Variants in ZFHX3 observed in about 807,000 individuals in gnomAD.
ZFHX3 encodes the protein zinc finger homeobox protein 3.
A neutral mutation model predicts 279.1 loss-of-function variants in ZFHX3; 42 were observed. The observed-to-expected ratio is 0.15, with a 90% CI of 0.12 to 0.19. The LOEUF (loss-of-function observed/expected upper bound fraction) is 0.19, where lower values mean the gene tolerates loss of function less well. Ranked by LOEUF, ZFHX3 falls within the 10% of genes least tolerant of loss-of-function variation. The pLI is 1.00. For synonymous variants in ZFHX3, 2,293 were observed against 1,957.8 expected, an observed-to-expected ratio of 1.17 and a Z score of -4.52; for missense variants, 4,981 against 4,754.0, an observed-to-expected ratio of 1.05 and a Z score of -1.40.
chr16:72,853,699 A>G (rs1267367411), intron 4 of ZFHX3, among the ~76,000 whole-genome samples: 1 of 152,224 alleles, frequency 6.6e-6, no homozygotes, highest in African/African-American at 2.4e-5. Context: ...AAGAGAGGGC[A>G]GTAGAAGGAT....
At chr16:72,974,888 C>T (rs1211177118) in intron 1 of ZFHX3, among the ~76,000 whole-genome samples, 1 of 152,170 alleles carries the variant, frequency 6.6e-6, no homozygotes, top group African/African-American at 2.4e-5. Context: ...ATGCTATGCA[C>T]AGAGACCCCA....
intron 2 of ZFHX3, among the ~76,000 whole-genome samples, chr16:73,541,348 T>C (rs2020007772): frequency 6.6e-6 from 1 of 152,178 alleles, no homozygotes; most frequent in Admixed American, 6.5e-5. Flanking sequence ...TAGCCAGGCC[T>C]GTGGGTGCAC....
At chr16:72,888,167 C>T (rs1480682021) in intron 4 of ZFHX3, among the ~76,000 whole-genome samples, 3 of 152,158 alleles carry the variant, frequency 2.0e-5, no homozygotes, top group Non-Finnish European at 4.4e-5. Flanking sequence ...CCATGCTCTT[C>T]TCCATAAAGT....
At chr16:73,111,958 C>T (rs986552458) in intron 7 of ZFHX3, among the ~76,000 whole-genome samples, 1 of 152,020 alleles carries the variant, frequency 6.6e-6, no homozygotes, top group Admixed American at 6.5e-5. Flanking sequence ...GACTCCAAAG[C>T]CCACTGACCG....
At chr16:73,505,788 C>G (rs931979907) in intron 2 of ZFHX3, among the ~76,000 whole-genome samples, 16 of 152,234 alleles carry the variant, frequency 1.1e-4, no homozygotes, top group African/African-American at 3.9e-4. Context: ...AGTGCTGTCA[C>G]TGTTCCCAGG....
At chr16:73,293,367 T>A (rs1403083808) in intron 4 of ZFHX3, among the ~76,000 whole-genome samples, 1 of 152,150 alleles carries the variant, frequency 6.6e-6, no homozygotes, top group Non-Finnish European at 1.5e-5. Context: ...ACTGACTGAT[T>A]TGCAGGAGGA....
chr16:73,466,714 T>C (rs546805687), intron 2 of ZFHX3, among the ~76,000 whole-genome samples: 1 of 152,280 alleles, frequency 6.6e-6, no homozygotes, highest in East Asian at 1.9e-4. Flanking sequence ...CATGGCAGTG[T>C]TCATCAAACT....
chr16:73,379,026 C>G (rs2016774384), intron 3 of ZFHX3, among the ~76,000 whole-genome samples: 2 of 152,134 alleles, frequency 1.3e-5, no homozygotes, highest in Admixed American at 1.3e-4. Flanking sequence ...CGTACAGTCC[C>G]AAGAACTCAG....
intron 5 of ZFHX3, among the ~76,000 whole-genome samples, chr16:73,221,850 A>G (rs1040302350): frequency 6.6e-6 from 1 of 152,196 alleles, no homozygotes; most frequent in Non-Finnish European, 1.5e-5. Flanking sequence ...AAAAAATCAC[A>G]TATCAATATA....
intron 1 of ZFHX3, among the ~76,000 whole-genome samples, chr16:73,881,663 CTTAG>C (rs1193772038): frequency 6.6e-6 from 1 of 151,342 alleles, no homozygotes; most frequent in Non-Finnish European, 1.5e-5. Context: ...GTTCCCACTA[CTTAG>C]TTGGTGCTAT....
In ZFHX3 at chr16:73,528,347, T is replaced by C. The variant is rs575766802; in HGVS notation, c.-1546-72089A>G. Among the ~76,000 whole-genome samples the C allele has an allele frequency of 1.5e-4, 23 of 152,310 alleles. 1 individual carries two copies. The South Asian group carries it at 4.8e-3, about 32-fold the overall frequency. On this transcript the variant is annotated intron_variant, in intron 2 of 17. Coordinates refer to the ZFHX3 transcript ENST00000641206. ...ATCAATAGCAGTACTAGCCAACAAA[T>C]TTGCAAAGATAACTTACACACATAT... is the stretch of plus-strand genomic sequence containing the variant.
intron 3 of ZFHX3, among the ~76,000 whole-genome samples, chr16:72,903,649 G>C (rs2039095950): frequency 6.6e-6 from 1 of 152,000 alleles, no homozygotes. Context: ...AAAACCAAAA[G>C]AACACAGAGG....
chr16:73,328,551 A>G (rs2015737751), intron 3 of ZFHX3, among the ~76,000 whole-genome samples: 1 of 152,222 alleles, frequency 6.6e-6, no homozygotes, highest in Non-Finnish European at 1.5e-5. Flanking sequence ...GAGAAGCCCC[A>G]TAACTTGCCT....
At chr16:73,636,809 A>G (rs982216847) in intron 2 of ZFHX3, among the ~76,000 whole-genome samples, 4 of 152,206 alleles carry the variant, frequency 2.6e-5, no homozygotes, top group Non-Finnish European at 4.4e-5. Context: ...AAGATATGCA[A>G]TAGTAAAGCT....
At chr16:73,782,871 A>G (rs1457295421) in intron 1 of ZFHX3, among the ~76,000 whole-genome samples, 2 of 152,186 alleles carry the variant, frequency 1.3e-5, no homozygotes, top group Non-Finnish European at 2.9e-5. Flanking sequence ...TTAGGAATAA[A>G]CTGTTGTGTT....
At chr16:73,091,725 T>G (rs1218740505) in intron 8 of ZFHX3, among the ~76,000 whole-genome samples, 2 of 152,212 alleles carry the variant, frequency 1.3e-5, no homozygotes, top group East Asian at 3.8e-4. Flanking sequence ...ATTCAGAAAT[T>G]CGCAAAATAT....
chr16:72,917,242 A>G (rs968491443), intron 3 of ZFHX3, among the ~76,000 whole-genome samples: 2 of 152,210 alleles, frequency 1.3e-5, no homozygotes, highest in Non-Finnish European at 2.9e-5. Context: ...CCCTGTCTCA[A>G]TAAATAAATA....
At chr16:72,838,360 G>A (rs1184030473) in intron 4 of ZFHX3, among the ~76,000 whole-genome samples, 1 of 152,090 alleles carries the variant, frequency 6.6e-6, no homozygotes, top group African/African-American at 2.4e-5. Flanking sequence ...GCAGCTGCGT[G>A]TTCGGCCCCT....
chr16:73,127,452 T>C lies in ZFHX3; in HGVS notation c.-897+3516A>G, dbSNP rs1403747920. 5 of 1,305,290 alleles carry C rather than the reference T, an allele frequency of 3.8e-6. No individual in the cohort carries two copies. The African/African-American group carries it at 7.6e-5, about 20-fold the overall frequency. 80.9% of individuals were successfully genotyped at this position (1,305,290 alleles called of 1,614,324 possible). On this transcript the variant is annotated intron_variant, in intron 7 of 17. Coordinates refer to the ZFHX3 transcript ENST00000641206. The stretch of plus-strand genomic sequence containing the variant: ...GCATCTCTGTTCCGGAACTGAGACA[T>C]CAAGCGAGAGCCGGGCATCGACAGG...
Sources: gnomAD v4.1 joint callset for allele counts (sites outside exome capture counted in the v4.1 genomes callset) on GRCh38, gnomAD v4.1.1 for gene constraint, MANE v1.5 for transcripts, NCBI Gene and HGNC (gene_info 2026-07-23, HGNC 2026-07-21) for gene names.